The following RYR3 variants were observed in gnomAD, a reference collection of about 807,000 sequenced individuals.
RYR3 encodes ryanodine receptor 3.
In RYR3, 207 loss-of-function variants were observed where a neutral mutation model predicts 584.3. The ratio of observed to expected loss-of-function variants is 0.35; its 90% CI spans 0.32 to 0.40. RYR3 has a LOEUF of 0.40. Among genes scored for constraint, RYR3 ranks in the 10% least tolerant of loss-of-function variants. The pLI is 1.00. For synonymous variants in RYR3, 2,416 were observed against 2,248.5 expected (o/e 1.07, Z -2.11); for missense variants, 5,616 against 6,089.2 (o/e 0.92, Z 2.59).
chr15:33,496,785 A>G (rs2142607698), intron 2 of RYR3, among the ~76,000 whole-genome samples: 1 of 152,294 alleles, frequency 6.6e-6, no homozygotes, highest in East Asian at 1.9e-4. Flanking sequence ...GCCTGGGTGT[A>G]CCTGCCTAAT....
intron 76 of RYR3, 94 bp from the exon 77 acceptor site, chr15:33,819,662 A>G: frequency 1.2e-6 from 1 of 802,410 alleles, no homozygotes; most frequent in East Asian, 4.8e-5. Flanking sequence ...GGACAAGAGA[A>G]AACTCTGTCT....
intron 1 of RYR3, among the ~76,000 whole-genome samples, chr15:33,354,815 C>T (rs1449722440): frequency 2.6e-5 from 4 of 152,162 alleles, no homozygotes; most frequent in Admixed American, 6.5e-5. Flanking sequence ...CTTTATTGGC[C>T]TGTCTCTGAC....
chr15:33,566,563 A>G (rs1022962375), intron 11 of RYR3, 115 bp from the exon 12 acceptor site: 5 of 1,144,348 alleles, frequency 4.4e-6, no homozygotes, highest in African/African-American at 3.1e-5. Context: ...TGGACCCAAG[A>G]GAGCTTATTT....
In RYR3 at chr15:33,530,479, G is replaced by A. The variant is rs535233237; in HGVS notation, c.280-113G>A. 3.6e-5 allele frequency: 26 copies of A among 730,320 alleles called. No homozygotes were observed. In the African/African-American group the frequency reaches 4.5e-4, roughly 13 times the overall value. The allele number at this position is 730,320 out of a possible 1,614,324, so 45.2% of individuals were successfully genotyped here. The stretch of plus-strand genomic sequence containing the variant: ...TGCTTCTGGAATGAATTCCTTAGGA[G>A]CTTTGCAATGGGTCTTTTCCTGGTA... On this transcript the variant is annotated intron_variant, in intron 3 of 103. Transcript: ENST00000634891.
chr15:33,407,227 C>G (rs2043086764), intron 1 of RYR3, among the ~76,000 whole-genome samples: 1 of 152,212 alleles, frequency 6.6e-6, no homozygotes, highest in African/African-American at 2.4e-5. Context: ...TTAATACCAC[C>G]ACTGTGGGGA....
intron 94 of RYR3, chr15:33,851,455 A>G (rs899874513): frequency 2.0e-5 from 3 of 152,114 alleles, no homozygotes; most frequent in Non-Finnish European, 4.4e-5. Flanking sequence ...AGCATCTTGT[A>G]CTTTTTCCCT....
intron 1 of RYR3, among the ~76,000 whole-genome samples, chr15:33,374,678 T>G (rs1218965181): frequency 6.6e-6 from 1 of 152,216 alleles, no homozygotes; most frequent in East Asian, 1.9e-4. Context: ...ACATTTGTGC[T>G]CTGAATGGTA....
intron 5 of RYR3, among the ~76,000 whole-genome samples, chr15:33,537,692 C>T (rs2055444616): frequency 6.6e-6 from 1 of 152,166 alleles, no homozygotes; most frequent in Admixed American, 6.5e-5. Flanking sequence ...TGAAATTCCA[C>T]AGCGATGTGT....
intron 2 of RYR3, among the ~76,000 whole-genome samples, chr15:33,492,670 C>T (rs1015952422): frequency 6.6e-6 from 1 of 152,142 alleles, no homozygotes; most frequent in Admixed American, 6.5e-5. Context: ...GCTAATACTG[C>T]AGTCAAGGCA....
intron 43 of RYR3, among the ~76,000 whole-genome samples, chr15:33,713,896 C>T (rs2067299881): frequency 1.3e-5 from 2 of 152,106 alleles, no homozygotes; most frequent in African/African-American, 4.8e-5. Flanking sequence ...GCCCTTATGA[C>T]TTAATTACCT....
At chr15:33,629,627 G>A (rs1345273365) in intron 21 of RYR3, among the ~76,000 whole-genome samples, 3 of 152,196 alleles carry the variant, frequency 2.0e-5, no homozygotes, top group East Asian at 1.9e-4. Flanking sequence ...CTTCAGAAAC[G>A]TTATGGTTAC....
chr15:33,679,506 G>C (rs183520473), intron 38 of RYR3, among the ~76,000 whole-genome samples: 2 of 152,226 alleles, frequency 1.3e-5, no homozygotes, highest in East Asian at 3.9e-4. Context: ...GAAGCCAAAG[G>C]CTTTCATTTG....
At chr15:33,321,067 A>G (rs1295785150) in intron 1 of RYR3, among the ~76,000 whole-genome samples, 1 of 152,212 alleles carries the variant, frequency 6.6e-6, no homozygotes, top group Non-Finnish European at 1.5e-5. Flanking sequence ...CTTGATGCAA[A>G]TGCTGATTGA....
intron 12 of RYR3, among the ~76,000 whole-genome samples, chr15:33,572,332 C>A (rs1400539178): frequency 6.6e-6 from 1 of 152,074 alleles, no homozygotes; most frequent in Non-Finnish European, 1.5e-5. Context: ...GAAGGACTTC[C>A]CTTAGTATTT....
At chr15:33,560,510 C>T (rs549028454) in intron 10 of RYR3, among the ~76,000 whole-genome samples, 5 of 151,430 alleles carry the variant, frequency 3.3e-5, no homozygotes, top group East Asian at 1.9e-4. Context: ...ATGAAGTTAC[C>T]GTATTCATTG....
At chr15:33,339,939 G>A (rs1971623470) in intron 1 of RYR3, among the ~76,000 whole-genome samples, 1 of 152,026 alleles carries the variant, frequency 6.6e-6, no homozygotes, top group Admixed American at 6.6e-5. Context: ...ACCAAAGGAG[G>A]AATGTTTTTG....
At chr15:33,651,917 G>A (rs2062498629) in intron 31 of RYR3, among the ~76,000 whole-genome samples, 3 of 152,208 alleles carry the variant, frequency 2.0e-5, no homozygotes, top group Admixed American at 2.0e-4. Context: ...ACGGTGGGGG[G>A]CTCTGAGAAT....
rs551811973 is a variant in RYR3, at chr15:33,331,058, G to A, written c.51+19962G>A. 1.2e-4 allele frequency among the ~76,000 whole-genome samples: 18 copies of A among 152,142 alleles called. 1 individual carries two copies. In the South Asian group the frequency reaches 3.7e-3, roughly 32 times the overall value. The stretch of plus-strand genomic sequence containing the variant: ...TGTTTGTTTGTTTGGTTGGTTGGTT[G>A]GTTGGTTTTTGTTGTGCAATTTTAT... On this transcript the variant is annotated intron_variant, in intron 1 of 103. Coordinates refer to ENST00000634891, the MANE Select transcript of RYR3 (RefSeq NM_001036.6).
At chr15:33,639,772 G>A (rs1429948954) in intron 27 of RYR3, among the ~76,000 whole-genome samples, 2 of 152,134 alleles carry the variant, frequency 1.3e-5, no homozygotes, top group Non-Finnish European at 2.9e-5. Context: ...ATGCATCATA[G>A]ATTATATGCC....
Sources: gnomAD v4.1 joint callset for allele counts (sites outside exome capture counted in the v4.1 genomes callset) on GRCh38, gnomAD v4.1.1 for gene constraint, MANE v1.5 for transcripts, NCBI Gene and HGNC (gene_info 2026-07-23, HGNC 2026-07-21) for gene names.